BBOF1: variants seen among roughly 807,000 people sequenced by gnomAD.
BBOF1 encodes basal body orientation factor 1.
BBOF1 carries 62 observed loss-of-function variants against 68.0 expected under a neutral mutation model. The observed-to-expected ratio is 0.91, with a 90% CI of 0.74 to 1.13. BBOF1 has a LOEUF of 1.13. Among genes scored for constraint, BBOF1 ranks in the 50% most tolerant of loss-of-function variants. The pLI, the probability that BBOF1 is intolerant of heterozygous loss-of-function variation, is 0.00. For synonymous variants in BBOF1, 208 were observed against 198.8 expected, an observed-to-expected ratio of 1.05 and a Z score of -0.39; for missense variants, 534 against 600.1, an observed-to-expected ratio of 0.89 and a Z score of 1.15.
rs892398905 is a variant in BBOF1 at position 74,019,549 on chromosome 14, C to T, written c.56+15C>T. ...AAAGACACGAAGTAAGGAGAAGCCA[C>T]CCGAGAGTCCCCTCTCCCTGGGCCT... On this transcript the variant is annotated intron_variant, in intron 1 of 11. Transcript: ENST00000394009. The T allele has an allele frequency of 1.3e-6, 2 of 1,584,092 alleles. No individual in the cohort carries two copies. The highest frequency in any genetic ancestry group is 1.7e-6 in the Non-Finnish European group (2 of 1,165,532).
chr14:74,019,449 T>G lies in BBOF1; in HGVS notation c.-30T>G. 6.3e-7 allele frequency: 1 copy of G among 1,592,870 alleles called. No individual in the cohort carries two copies. The highest frequency in any genetic ancestry group is 8.5e-7 in the Non-Finnish European group (1 of 1,170,252). On this transcript the variant is annotated 5_prime_UTR_variant, in exon 1 of 12. Coordinates refer to ENST00000394009, the MANE Select transcript of BBOF1 (RefSeq NM_025057.3). ...GCCAGGGCGGCCGCGGCTGGGCAAC[T>G]ACGACAGCGGAGCCCCTGGGGAAGC...
At position 74,050,157 on chromosome 14, in the gene BBOF1, C is replaced by T. The variant is rs201625783; in HGVS notation, c.1248C>T (p.Thr416=). The T allele has an allele frequency of 8.2e-5, 130 of 1,578,534 alleles. 1 individual carries two copies. In the East Asian group the frequency reaches 2.5e-3, roughly 31 times the overall value. The part of the protein sequence containing the change: ...IRTFDGREHS[T]NSVNQDLLEA... Reference sequence around the variant, plus strand: ...CATTTGATGGCAGAGAGCACAGCACCAATAGTGTGAATCAGGATCTTCTGG... The same window carrying T: ...CATTTGATGGCAGAGAGCACAGCACTAATAGTGTGAATCAGGATCTTCTGG... The change falls in exon 8 of 12, where the codon ACC becomes ACT. Residue 416 remains threonine, a synonymous_variant. Coordinates refer to ENST00000394009, the MANE Select transcript of BBOF1 (RefSeq NM_025057.3).
intron 5 of BBOF1, among the ~76,000 whole-genome samples, chr14:74,043,145 G>C (rs919771741): frequency 6.6e-6 from 1 of 151,962 alleles, no homozygotes; most frequent in Non-Finnish European, 1.5e-5. Context: ...TGCCCCAGCC[G>C]GCCATATAAA....
downstream of BBOF1, chr14:74,066,666 G>A (rs756490138): frequency 2.5e-6 from 4 of 1,573,586 alleles, no homozygotes; most frequent in South Asian, 3.3e-5. Flanking sequence ...CCTTTAAGGT[G>A]CCTTCAGCTC....
chr14:74,078,212 C>A (rs1202372737), exon 10 of BBOF1: 9 of 455,934 alleles, frequency 2.0e-5, no homozygotes, highest in Non-Finnish European at 2.6e-5. Flanking sequence ...CAGAAACCAT[C>A]AGATGAGAAC....
intron 11 of BBOF1, 168 bp downstream of exon 11, chr14:74,057,426 G>A (rs754268587): frequency 8.7e-5 from 132 of 1,511,502 alleles, no homozygotes; most frequent in Non-Finnish European, 1.1e-4. Flanking sequence ...AGCAATATCC[G>A]TACAAATGCA....
chr14:74,064,306 A>T (rs952550632), intron 11 of BBOF1, among the ~76,000 whole-genome samples: 7 of 147,336 alleles, frequency 4.8e-5, no homozygotes, highest in African/African-American at 1.5e-4. Flanking sequence ...TCAAAAAAAA[A>T]AAAAATAATA....
chr14:74,039,235 G>A (rs1438817154), intron 4 of BBOF1, among the ~76,000 whole-genome samples: 1 of 151,920 alleles, frequency 6.6e-6, no homozygotes, highest in Non-Finnish European at 1.5e-5. Context: ...TTTATATATT[G>A]TGAACATTTT....
chr14:74,071,323 A>T (rs1401936215), intron 9 of BBOF1: 1 of 1,614,174 alleles, frequency 6.2e-7, no homozygotes, highest in Non-Finnish European at 8.5e-7. Flanking sequence ...ATTTCCACAC[A>T]CCATGGCCAT....
At position 74,022,936 on chromosome 14, in the gene BBOF1, A is replaced by T; in HGVS notation, c.77A>T (p.Glu26Val). 6.2e-7 allele frequency: 1 copy of T among 1,609,794 alleles called. No individual in the cohort carries two copies. The highest frequency in any genetic ancestry group is 8.5e-7 in the Non-Finnish European group (1 of 1,177,378). ...KDTKKLIKTD[E>V]SVVDRAKANA... ...TGCAGGAAGTTAATAAAAACAGATG[A>T]ATCTGTGGTGGACAGAGCCAAGGCC... The change falls in exon 2 of 12, where the codon GAA (glutamate) becomes GTA (valine). Residue 26 changes from glutamate to valine, a missense_variant. Glu to Val is a moderately radical substitution (Grantham distance 121). Coordinates refer to ENST00000394009, the MANE Select transcript of BBOF1 (RefSeq NM_025057.3).
intron 10 of BBOF1, 79 bp from the exon 11 acceptor site, chr14:74,057,065 T>TA: frequency 6.3e-7 from 1 of 1,593,692 alleles, no homozygotes; most frequent in Non-Finnish European, 8.6e-7. Flanking sequence ...TTGAAAGTAA[T>TA]ATGACAAGTC....
intron 11 of BBOF1, among the ~76,000 whole-genome samples, chr14:74,062,020 G>C (rs2060353212): frequency 7.6e-6 from 1 of 130,796 alleles, no homozygotes; most frequent in Admixed American, 8.7e-5. Context: ...GACCAGCCTG[G>C]CCCAACATGG....
chr14:74,041,056 G>A (rs2240625), intron 5 of BBOF1, among the ~76,000 whole-genome samples: 12 of 152,060 alleles, frequency 7.9e-5, no homozygotes, highest in South Asian at 2.1e-4. Context: ...GGTGGCTCAC[G>A]CCTGTAATCC....
intron 12 of BBOF1, chr14:74,081,328 G>A (rs1165819266): frequency 6.6e-6 from 1 of 152,186 alleles, no homozygotes. Flanking sequence ...TACTCGCCAA[G>A]CAATCATTTG....
At chr14:74,031,220 C>T (rs919289532) in intron 3 of BBOF1, among the ~76,000 whole-genome samples, 4 of 151,394 alleles carry the variant, frequency 2.6e-5, no homozygotes, top group African/African-American at 7.3e-5. Context: ...TTCAAGGGAT[C>T]CTCCCACCCA....
chr14:74,033,405 T>A (rs1271706033), intron 3 of BBOF1, among the ~76,000 whole-genome samples: 1 of 151,312 alleles, frequency 6.6e-6, no homozygotes, highest in African/African-American at 2.4e-5. Flanking sequence ...CCATCTCTAC[T>A]AAAAAATACA....
rs1343391574 is a variant in BBOF1 at position 74,050,339 on chromosome 14, T to C, written c.1286+144T>C. ...TTACTTGAGGACAGGAACTGACTTA[T>C]TCATCTTTGTAATCTCTAGGCTTAG... On this transcript the variant is annotated intron_variant, in intron 8 of 11. Transcript: ENST00000394009. The C allele has an allele frequency of 3.3e-6, 3 of 899,044 alleles. No homozygotes were observed. In the East Asian group the frequency reaches 8.1e-5, roughly 24 times the overall value. 55.7% of individuals were successfully genotyped at this position (899,044 alleles called of 1,614,324 possible).
At chr14:74,071,327 T>A in intron 9 of BBOF1, 1 of 1,614,168 alleles carries the variant, frequency 6.2e-7, no homozygotes, top group African/African-American at 1.3e-5. Flanking sequence ...CCACACACCA[T>A]GGCCATGGGA....
intron 4 of BBOF1, among the ~76,000 whole-genome samples, chr14:74,040,043 G>C (rs191451552): frequency 1.4e-5 from 2 of 147,852 alleles, no homozygotes; most frequent in Admixed American, 1.3e-4. Context: ...TGTTGCCCAG[G>C]CTGGAGCAAT....
Sources: allele counts gnomAD v4.1 joint callset (sites outside exome capture counted in the v4.1 genomes callset), GRCh38; gene constraint gnomAD v4.1.1; transcripts MANE v1.5; gene names NCBI Gene and HGNC (gene_info 2026-07-23, HGNC 2026-07-21).